The following SLC24A3 variants were observed in gnomAD, a reference collection of about 807,000 sequenced individuals.
SLC24A3 encodes solute carrier family 24 member 3.
In SLC24A3, 28 loss-of-function variants were observed where a neutral mutation model predicts 75.8. The observed-to-expected ratio is 0.37, with a 90% confidence interval of 0.27 to 0.51. SLC24A3 has a LOEUF of 0.51. Ranked by LOEUF, SLC24A3 falls within the 20% of genes least tolerant of loss-of-function variation. The pLI, the probability that SLC24A3 is intolerant of heterozygous loss-of-function variation, is 0.94. For missense variants in SLC24A3, 663 were observed against 847.8 expected (o/e 0.78, Z 2.71); for synonymous variants, 372 against 334.1 (o/e 1.11, Z -1.24).
At chr20:19,248,910 G>A (rs950305045) in intron 1 of SLC24A3, among the ~76,000 whole-genome samples, 1 of 150,282 alleles carries the variant, frequency 6.7e-6, no homozygotes, top group African/African-American at 2.5e-5. Context: ...AATACCGCAT[G>A]ATCTCGTATG....
chr20:19,364,752 G>T (rs192299452), intron 2 of SLC24A3, among the ~76,000 whole-genome samples: 1 of 152,170 alleles, frequency 6.6e-6, no homozygotes, highest in Admixed American at 6.5e-5. Flanking sequence ...ACCGTACCTG[G>T]CCAAGAGTGG....
intron 7 of SLC24A3, among the ~76,000 whole-genome samples, chr20:19,655,005 G>A (rs1022944936): frequency 3.3e-5 from 5 of 151,988 alleles, no homozygotes; most frequent in African/African-American, 7.3e-5. Flanking sequence ...TTCAGTCCTC[G>A]TTCCTATCGT....
chr20:19,277,959 C>T lies in SLC24A3; in HGVS notation c.143-3000C>T, dbSNP rs141418352. 2.2e-3 allele frequency among the ~76,000 whole-genome samples: 342 copies of T among 152,290 alleles called. 3 individuals are homozygous for T. Among genetic ancestry groups the T allele is most frequent in the African/African-American group, 8.1e-3 (337 of 41,552 alleles). ...TTGACCCAGAGAACAGTGGAATGGC[C>T]ACGCTGCTGGCCACAGCATGACTCT... On this transcript the variant is annotated intron_variant, in intron 1 of 16. Coordinates refer to ENST00000328041, the MANE Select transcript of SLC24A3 (RefSeq NM_020689.4).
chr20:19,518,117 G>T (rs944044564), intron 3 of SLC24A3, among the ~76,000 whole-genome samples: 5 of 152,204 alleles, frequency 3.3e-5, no homozygotes, highest in African/African-American at 1.2e-4. Flanking sequence ...CATTTAGGAT[G>T]CTCAGAAATT....
intron 3 of SLC24A3, among the ~76,000 whole-genome samples, chr20:19,578,731 A>G (rs1469879185): frequency 6.6e-6 from 1 of 152,118 alleles, no homozygotes; most frequent in Non-Finnish European, 1.5e-5. Context: ...CTTGAACCAC[A>G]CCTATTAGAT....
intron 2 of SLC24A3, among the ~76,000 whole-genome samples, chr20:19,402,047 A>T (rs1986560866): frequency 6.6e-6 from 1 of 152,202 alleles, no homozygotes; most frequent in Non-Finnish European, 1.5e-5. Context: ...GGAGAACCCA[A>T]AATAAGGCAG....
intron 2 of SLC24A3, among the ~76,000 whole-genome samples, chr20:19,407,590 T>G (rs1986671424): frequency 6.6e-6 from 1 of 152,196 alleles, no homozygotes; most frequent in Non-Finnish European, 1.5e-5. Context: ...AAGTGTCTAT[T>G]TTAGGAATCT....
intron 2 of SLC24A3, among the ~76,000 whole-genome samples, chr20:19,477,633 G>A (rs1240301716): frequency 3.3e-5 from 5 of 152,110 alleles, no homozygotes; most frequent in African/African-American, 4.8e-5. Flanking sequence ...TTGGCTTTTG[G>A]TTCAACTCTG....
intron 1 of SLC24A3, among the ~76,000 whole-genome samples, chr20:19,232,551 G>GA (rs931009870): frequency 6.6e-6 from 1 of 152,136 alleles, no homozygotes; most frequent in Non-Finnish European, 1.5e-5. Flanking sequence ...TGAGATATTT[G>GA]AATACTGTTA....
chr20:19,432,500 T>A (rs1021843791), intron 2 of SLC24A3, among the ~76,000 whole-genome samples: 2 of 152,054 alleles, frequency 1.3e-5, no homozygotes, highest in Non-Finnish European at 2.9e-5. Flanking sequence ...GATGACCCCA[T>A]GGAGAATTCC....
intron 2 of SLC24A3, among the ~76,000 whole-genome samples, chr20:19,506,506 C>G (rs918157046): frequency 8.6e-5 from 13 of 152,026 alleles, no homozygotes; most frequent in African/African-American, 3.1e-4. Flanking sequence ...AAAGTTGGAC[C>G]CTAGTTTGAT....
intron 1 of SLC24A3, among the ~76,000 whole-genome samples, chr20:19,266,829 A>G (rs1983181243): frequency 6.6e-6 from 1 of 152,178 alleles, no homozygotes; most frequent in Non-Finnish European, 1.5e-5. Context: ...AGGAAAGTAT[A>G]TTTTTTAAGA....
At chr20:19,229,007 C>T (rs1981943706) in intron 1 of SLC24A3, among the ~76,000 whole-genome samples, 1 of 152,164 alleles carries the variant, frequency 6.6e-6, no homozygotes. Flanking sequence ...TTGACAAAAG[C>T]ACTTATAGTG....
chr20:19,504,575 C>T (rs1600256877), intron 2 of SLC24A3, among the ~76,000 whole-genome samples: 1 of 152,158 alleles, frequency 6.6e-6, no homozygotes, highest in African/African-American at 2.4e-5. Context: ...ACCATGGGTT[C>T]CCTTGAGGAA....
chr20:19,434,649 A>G (rs1987164718), intron 2 of SLC24A3, among the ~76,000 whole-genome samples: 2 of 152,190 alleles, frequency 1.3e-5, no homozygotes, highest in South Asian at 4.1e-4. Context: ...CATCCCTCTA[A>G]TAGGCAGCAC....
intron 3 of SLC24A3, among the ~76,000 whole-genome samples, chr20:19,569,303 T>C (rs2031011952): frequency 1.3e-5 from 2 of 152,236 alleles, no homozygotes; most frequent in Non-Finnish European, 2.9e-5. Flanking sequence ...TTATCATGTA[T>C]GTACTTATTG....
intron 2 of SLC24A3, among the ~76,000 whole-genome samples, chr20:19,507,729 G>A (rs781668775): frequency 6.6e-6 from 1 of 152,156 alleles, no homozygotes; most frequent in African/African-American, 2.4e-5. Flanking sequence ...GAGAAATGGG[G>A]TATTTGTGAA....
intron 2 of SLC24A3, among the ~76,000 whole-genome samples, chr20:19,363,495 A>G (rs1985830588): frequency 6.6e-6 from 1 of 152,198 alleles, no homozygotes; most frequent in African/African-American, 2.4e-5. Flanking sequence ...CCATTGGAAA[A>G]TCATGTCAGC....
At chr20:19,483,030 A>G (rs761220) in intron 2 of SLC24A3, among the ~76,000 whole-genome samples, 54,683 of 152,116 alleles carry the variant, frequency 0.36, 10,293 homozygotes, top group East Asian at 0.52. Context: ...TCACGTGACA[A>G]CACACTTTCT....
Sources: allele counts gnomAD v4.1 joint callset (sites outside exome capture counted in the v4.1 genomes callset), GRCh38; gene constraint gnomAD v4.1.1; transcripts MANE v1.5; gene names NCBI Gene and HGNC (gene_info 2026-07-23, HGNC 2026-07-21).